Variants in PMFBP1 observed in about 807,000 individuals in gnomAD.
The protein encoded by PMFBP1 is polyamine modulated factor 1 binding protein 1.
Under a neutral mutation model 137.8 loss-of-function variants are expected in PMFBP1, and 131 were observed. The observed-to-expected ratio is 0.95, with a 90% CI of 0.82 to 1.10. The LOEUF is 1.10. Ranked by LOEUF, PMFBP1 falls within the 50% of genes least tolerant of loss-of-function variation. The pLI is 0.00. For missense variants in PMFBP1, 1,199 were observed against 1,175.4 expected (o/e 1.02, Z -0.29); for synonymous variants, 490 against 450.4 (o/e 1.09, Z -1.11).
At chr16:72,235,546 T>C in the PMFBP1 span, among the ~76,000 whole-genome samples, 1 of 151,924 alleles carries the variant, frequency 6.6e-6, no homozygotes, top group African/African-American at 2.4e-5. Context: ...CATATCAATT[T>C]CTGAAATCAA....
chr16:72,242,429 A>T, the PMFBP1 span, among the ~76,000 whole-genome samples: 9 of 152,256 alleles, frequency 5.9e-5, no homozygotes, highest in Non-Finnish European at 1.0e-4. Context: ...AAAGGAAAGT[A>T]TCTAATTAAC....
the PMFBP1 span, among the ~76,000 whole-genome samples, chr16:72,212,315 T>C: frequency 6.6e-6 from 1 of 152,114 alleles, no homozygotes; most frequent in African/African-American, 2.4e-5. Flanking sequence ...CCAGAAATTA[T>C]AGCAAGATGT....
chr16:72,147,695 CA>C (rs1442047533), intron 5 of PMFBP1, among the ~76,000 whole-genome samples: 2 of 151,984 alleles, frequency 1.3e-5, no homozygotes, highest in African/African-American at 2.4e-5. Flanking sequence ...ACAACCCCAT[CA>C]AAAAATGGGC....
the PMFBP1 span, among the ~76,000 whole-genome samples, chr16:72,239,466 C>CT: frequency 6.6e-6 from 1 of 152,140 alleles, no homozygotes; most frequent in Non-Finnish European, 1.5e-5. Flanking sequence ...TATGCATTTT[C>CT]TTTTTTACCG....
chr16:72,185,597 C>T, the PMFBP1 span, among the ~76,000 whole-genome samples: 3 of 152,106 alleles, frequency 2.0e-5, no homozygotes, highest in African/African-American at 4.8e-5. Flanking sequence ...CTGAACGTCC[C>T]CACCAGGGCA....
chr16:72,240,173 G>T, the PMFBP1 span, among the ~76,000 whole-genome samples: 1 of 152,146 alleles, frequency 6.6e-6, no homozygotes, highest in Admixed American at 6.5e-5. Flanking sequence ...AGACTGTGGC[G>T]CAGAGAACAA....
intron 10 of PMFBP1, among the ~76,000 whole-genome samples, chr16:72,131,719 C>T (rs139781980): frequency 0.016 from 2,427 of 152,272 alleles, 27 homozygotes; most frequent in Non-Finnish European, 0.024. Flanking sequence ...AGCTGAGAAA[C>T]AAACTTTGAG....
At chr16:72,117,599 A>G (rs1597454164), downstream of PMFBP1, among the ~76,000 whole-genome samples, 2 of 152,328 alleles carry the variant, frequency 1.3e-5, no homozygotes, top group Admixed American at 1.3e-4. Flanking sequence ...TCTTAGAGGA[A>G]AAGCTTTTAG....
At chr16:72,245,250 T>C in the PMFBP1 span, among the ~76,000 whole-genome samples, 1 of 152,204 alleles carries the variant, frequency 6.6e-6, no homozygotes, top group Admixed American at 6.5e-5. Context: ...TTTTTGAGCA[T>C]TTAACATGTG....
chr16:72,130,209 A>C lies in PMFBP1; in HGVS notation c.1782+4T>G. On this transcript the variant is annotated splice_donor_region_variant and intron_variant, in intron 12 of 20. Coordinates refer to ENST00000237353, the MANE Select transcript of PMFBP1 (RefSeq NM_031293.3). ...TGAATGGGCCATCTGCCTGCCCGTC[A>C]TACCTGGTGCTTGATACGATCAAGC... 6.2e-7 allele frequency: 1 copy of C among 1,612,016 alleles called. No individual in the cohort carries two copies. The highest frequency in any genetic ancestry group is 8.5e-7 in the Non-Finnish European group (1 of 1,179,994).
intron 2 of PMFBP1, among the ~76,000 whole-genome samples, chr16:72,165,804 A>G (rs1222756582): frequency 1.3e-5 from 2 of 152,164 alleles, no homozygotes; most frequent in Admixed American, 1.3e-4. Context: ...GTCTTTGATT[A>G]TGAGTGAAAA....
At chr16:72,225,912 C>A in the PMFBP1 span, among the ~76,000 whole-genome samples, 1 of 146,048 alleles carries the variant, frequency 6.8e-6, no homozygotes, top group African/African-American at 2.5e-5. Flanking sequence ...TACATCCACA[C>A]ACACATGCAT....
At chr16:72,134,619 T>C (rs1458644112) in intron 9 of PMFBP1, among the ~76,000 whole-genome samples, 2 of 152,202 alleles carry the variant, frequency 1.3e-5, no homozygotes, top group Admixed American at 6.5e-5. Context: ...CTGTCTGACC[T>C]CACCCCTTGC....
At chr16:72,151,033 G>C (rs547217042) in intron 4 of PMFBP1, among the ~76,000 whole-genome samples, 1 of 152,358 alleles carries the variant, frequency 6.6e-6, no homozygotes, top group South Asian at 2.1e-4. Context: ...GCCCTAGTTA[G>C]AGGTAAGCTC....
intron 5 of PMFBP1, 137 bp downstream of exon 5, chr16:72,150,471 G>C (rs1450758230): frequency 3.9e-5 from 31 of 793,058 alleles, no homozygotes; most frequent in Non-Finnish European, 2.7e-5. Context: ...CAAAAGCTGA[G>C]GGCTACAAAA....
chr16:72,167,498 T>C (rs933023081), intron 2 of PMFBP1, among the ~76,000 whole-genome samples: 3 of 152,210 alleles, frequency 2.0e-5, no homozygotes, highest in African/African-American at 7.2e-5. Context: ...TAAGACAATA[T>C]GTGTAGAGTG....
At chr16:72,216,869 G>T in the PMFBP1 span, among the ~76,000 whole-genome samples, 4 of 152,314 alleles carry the variant, frequency 2.6e-5, no homozygotes, top group South Asian at 8.3e-4. Context: ...CAGGCAGCTT[G>T]CTTCGCTGCA....
the PMFBP1 span, among the ~76,000 whole-genome samples, chr16:72,218,501 A>C: frequency 1.3e-5 from 2 of 152,078 alleles, no homozygotes; most frequent in African/African-American, 4.8e-5. Flanking sequence ...AGCTGGTCTC[A>C]AACTCCTGAC....
chr16:72,225,536 C>T, the PMFBP1 span, among the ~76,000 whole-genome samples: 2 of 151,540 alleles, frequency 1.3e-5, no homozygotes, highest in African/African-American at 4.9e-5. Context: ...TACACGGGGT[C>T]TCTACAAAAA....
Sources: gnomAD v4.1 joint callset for allele counts (sites outside exome capture counted in the v4.1 genomes callset) on GRCh38, gnomAD v4.1.1 for gene constraint, MANE v1.5 for transcripts, NCBI Gene and HGNC (gene_info 2026-07-23, HGNC 2026-07-21) for gene names.